RABGAP1L: variants seen among roughly 807,000 people sequenced by gnomAD.
RABGAP1L encodes the protein RAB GTPase activating protein 1 like.
Under a neutral mutation model 137.7 loss-of-function variants are expected in RABGAP1L, and 63 were observed. That is an observed-to-expected ratio of 0.46 (90% CI 0.37 to 0.56). The LOEUF is 0.56. Ranked by LOEUF, RABGAP1L falls within the 20% of genes least tolerant of loss-of-function variation. The probability of loss-of-function intolerance (pLI) is 0.00; values close to 1 mark genes in which losing one functional copy is unlikely to be tolerated. For synonymous variants in RABGAP1L, 431 were observed against 433.7 expected, an observed-to-expected ratio of 0.99 and a Z score of 0.08; for missense variants, 1,095 against 1,244.0, an observed-to-expected ratio of 0.88 and a Z score of 1.80.
chr1:174,650,832 C>T (rs1343011963), intron 14 of RABGAP1L, among the ~76,000 whole-genome samples: 1 of 143,260 alleles, frequency 7.0e-6, no homozygotes, highest in Admixed American at 6.8e-5. Flanking sequence ...GTCTCTATTT[C>T]CTTCAGTTGT....
At chr1:174,632,496 T>C (rs1169674496) in intron 13 of RABGAP1L, among the ~76,000 whole-genome samples, 1 of 150,566 alleles carries the variant, frequency 6.6e-6, no homozygotes, top group East Asian at 1.9e-4. Context: ...GTTTTCCAAC[T>C]TGGTTCCATT....
rs200126832 is a variant in RABGAP1L at position 174,241,495 on chromosome 1, A to G, written c.555A>G (p.Gln185=). ...TACTGTTCTACAGAATTATAGACCA[A>G]TCCAGCAATGTGGAGATAGCATCTT... ...VPEGSVRIID[Q]SSNVEIASFP... Residue 185 remains glutamine, a synonymous_variant, in exon 5 of 26, where the codon CAA becomes CAG. Transcript: ENST00000681986. The G allele has an allele frequency of 5.8e-5, 92 of 1,597,074 alleles. No homozygotes were observed. Among genetic ancestry groups the G allele is most frequent in the South Asian group, 1.1e-5 (1 of 87,814 alleles).
At chr1:174,319,070 T>C (rs1679696026) in intron 11 of RABGAP1L, among the ~76,000 whole-genome samples, 2 of 152,134 alleles carry the variant, frequency 1.3e-5, no homozygotes, top group African/African-American at 4.8e-5. Flanking sequence ...GTACTTACTT[T>C]TTTCAGTAAC....
chr1:174,872,168 C>T (rs1216642611), intron 19 of RABGAP1L, among the ~76,000 whole-genome samples: 2 of 150,960 alleles, frequency 1.3e-5, no homozygotes, highest in Non-Finnish European at 3.0e-5. Context: ...TTTTTTTGAA[C>T]AATCTGTTTT....
chr1:174,250,439 C>A lies in RABGAP1L; in HGVS notation c.718-36C>A. On this transcript the variant is annotated intron_variant, in intron 5 of 25. Coordinates refer to ENST00000681986, the MANE Select transcript of RABGAP1L (RefSeq NM_001366446.1). ...AAGGATATCAGAATGCAATTAAAAC[C>A]TTTGCCTAATGGTATTTCCTTTTTT... 3 of 1,542,578 alleles carry A rather than the reference C, an allele frequency of 1.9e-6. 1 individual carries two copies. In the African/African-American group the frequency reaches 4.1e-5, roughly 21 times the overall value.
intron 19 of RABGAP1L, among the ~76,000 whole-genome samples, chr1:174,829,358 A>G (rs1310991413): frequency 6.8e-6 from 1 of 147,980 alleles, no homozygotes; most frequent in Non-Finnish European, 1.5e-5. Flanking sequence ...ATCTGTCTGA[A>G]TTTTGCTTTT....
chr1:174,793,091 C>T (rs1055071433), intron 18 of RABGAP1L, among the ~76,000 whole-genome samples: 4 of 151,842 alleles, frequency 2.6e-5, no homozygotes, highest in African/African-American at 9.7e-5. Context: ...AAGATTATGC[C>T]ACTGCACTCC....
rs561957401 is a variant in RABGAP1L at position 174,684,717 on chromosome 1, C to G, written c.1899+1121C>G. ...TATGGCCAGGCACAGTGGCTCACAC[C>G]TGTAATCCCAACACTTTGGGAGGTT... is the stretch of plus-strand genomic sequence containing the variant. On this transcript the variant is annotated intron_variant, in intron 15 of 25. Coordinates refer to ENST00000681986, the MANE Select transcript of RABGAP1L (RefSeq NM_001366446.1). 5.9e-5 allele frequency among the ~76,000 whole-genome samples: 9 copies of G among 152,302 alleles called. No homozygotes were observed. The East Asian group carries it at 9.6e-4, about 16-fold the overall frequency.
intron 13 of RABGAP1L, among the ~76,000 whole-genome samples, chr1:174,510,143 C>A (rs143175505): frequency 6.6e-6 from 1 of 152,320 alleles, no homozygotes; most frequent in African/African-American, 2.4e-5. Context: ...TTTTTAGCTT[C>A]ATTTGCAAGG....
intron 1 of RABGAP1L, among the ~76,000 whole-genome samples, chr1:174,166,042 A>G (rs1664883112): frequency 6.6e-6 from 1 of 152,226 alleles, no homozygotes; most frequent in Non-Finnish European, 1.5e-5. Flanking sequence ...ACTCTGGAGT[A>G]ATCTAGTACT....
chr1:174,724,779 G>A (rs1168319209), intron 17 of RABGAP1L, among the ~76,000 whole-genome samples: 4 of 152,050 alleles, frequency 2.6e-5, no homozygotes, highest in Non-Finnish European at 5.9e-5. Context: ...TGTTATGAAG[G>A]GAAACTACAA....
chr1:174,734,716 T>G (rs979576338), intron 17 of RABGAP1L, among the ~76,000 whole-genome samples: 7 of 152,188 alleles, frequency 4.6e-5, no homozygotes, highest in African/African-American at 1.4e-4. Flanking sequence ...TGCCAGATCA[T>G]TCTTTATGCC....
chr1:174,815,319 G>A (rs1484009661), intron 19 of RABGAP1L, among the ~76,000 whole-genome samples: 1 of 152,212 alleles, frequency 6.6e-6, no homozygotes, highest in Non-Finnish European at 1.5e-5. Flanking sequence ...TGAGACTTAT[G>A]TGTTAGACAA....
At chr1:174,982,259 T>G (rs1671201893) in intron 23 of RABGAP1L, among the ~76,000 whole-genome samples, 1 of 152,142 alleles carries the variant, frequency 6.6e-6, no homozygotes, top group African/African-American at 2.4e-5. Flanking sequence ...CATTAGGTAT[T>G]TCTCCTAATG....
At chr1:174,887,576 T>G (rs1655371419) in intron 19 of RABGAP1L, among the ~76,000 whole-genome samples, 1 of 148,878 alleles carries the variant, frequency 6.7e-6, no homozygotes, top group Non-Finnish European at 1.5e-5. Context: ...TATCTCAACC[T>G]GATCCATATT....
At chr1:174,885,835 C>T (rs995675135) in intron 19 of RABGAP1L, among the ~76,000 whole-genome samples, 2 of 151,736 alleles carry the variant, frequency 1.3e-5, no homozygotes, top group Non-Finnish European at 2.9e-5. Context: ...GGCATGGTGG[C>T]GGGCGCCTGT....
At chr1:174,588,686 C>T (rs1193694612) in intron 13 of RABGAP1L, among the ~76,000 whole-genome samples, 1 of 152,098 alleles carries the variant, frequency 6.6e-6, no homozygotes, top group African/African-American at 2.4e-5. Flanking sequence ...TTAGCTCCCA[C>T]AAATGAGTGA....
Position 174,952,815 on chromosome 1 carries a change from C to T in RABGAP1L, c.2341-4642C>T, listed in dbSNP as rs149277318. ...ATTTTGTCCAGGCTGGTCTTGAACT[C>T]CTGAACTCAAGTGATCCACCCACCT... On this transcript the variant is annotated intron_variant, in intron 19 of 25. Coordinates refer to ENST00000681986, the MANE Select transcript of RABGAP1L (RefSeq NM_001366446.1). Among the ~76,000 whole-genome samples, 52 of 152,034 alleles carry T rather than the reference C, an allele frequency of 3.4e-4. 1 individual carries two copies. The Middle Eastern group carries it at 0.027, about 80-fold the overall frequency.
rs1347959309 is a variant in RABGAP1L, at chr1:174,166,237, T to TG, written c.-34+6580_-34+6581insG. ...TTTGTAAGGAGAGACAGTGTTTTTT[T>TG]TTTGTTTGTTTTTTGTTTTTCTTCA... On this transcript the variant is annotated intron_variant, in intron 1 of 25. Transcript: ENST00000681986. Among the ~76,000 whole-genome samples, 11 of 152,184 alleles carry TG rather than the reference T, an allele frequency of 7.2e-5. No homozygotes were observed. The East Asian group carries it at 1.2e-3, about 16-fold the overall frequency.
Sources: gnomAD v4.1 joint callset for allele counts (sites outside exome capture counted in the v4.1 genomes callset) on GRCh38, gnomAD v4.1.1 for gene constraint, MANE v1.5 for transcripts, NCBI Gene and HGNC (gene_info 2026-07-23, HGNC 2026-07-21) for gene names.